The following GHR variants were observed in gnomAD, a reference collection of about 807,000 sequenced individuals.
GHR encodes the protein GH receptor.
Under a neutral mutation model 67.1 loss-of-function variants are expected in GHR, and 35 were observed. The ratio of observed to expected loss-of-function variants is 0.52; its 90% CI spans 0.40 to 0.69. The LOEUF (loss-of-function observed/expected upper bound fraction) is 0.69. GHR is among the 30% of genes least tolerant of loss of function. The probability of loss-of-function intolerance (pLI) is 0.00; values close to 1 mark genes in which losing one functional copy is unlikely to be tolerated. For missense variants in GHR, 792 were observed against 764.6 expected (o/e 1.04, Z -0.42); for synonymous variants, 272 against 269.1 (o/e 1.01, Z -0.10).
chr5:42,481,492 T>C (rs1745634141), intron 1 of GHR, among the ~76,000 whole-genome samples: 1 of 152,224 alleles, frequency 6.6e-6, no homozygotes, highest in African/African-American at 2.4e-5. Flanking sequence ...TTTTCCAACT[T>C]GGTTCCATTC....
At chr5:42,542,924 T>A (rs934855978) in intron 1 of GHR, among the ~76,000 whole-genome samples, 6 of 152,160 alleles carry the variant, frequency 3.9e-5, no homozygotes, top group Admixed American at 2.6e-4. Context: ...TTTAGAATAG[T>A]GGCCTCCAGC....
chr5:42,551,659 C>T (rs1749041216), intron 1 of GHR, among the ~76,000 whole-genome samples: 1 of 152,124 alleles, frequency 6.6e-6, no homozygotes, highest in African/African-American at 2.4e-5. Context: ...TCTGCATGCT[C>T]ATAATGTAGG....
intron 1 of GHR, among the ~76,000 whole-genome samples, chr5:42,520,596 G>A (rs1747430433): frequency 6.6e-6 from 1 of 152,146 alleles, no homozygotes; most frequent in Admixed American, 6.5e-5. Flanking sequence ...TCATGATTGT[G>A]TTTAAGACCC....
At chr5:42,605,776 C>A (rs1015136100) in intron 2 of GHR, among the ~76,000 whole-genome samples, 2 of 152,256 alleles carry the variant, frequency 1.3e-5, no homozygotes, top group Non-Finnish European at 2.9e-5. Context: ...GAGTGAGGAG[C>A]TGCAGGAAGT....
chr5:42,428,059 G>A (rs1278131377), intron 1 of GHR, among the ~76,000 whole-genome samples: 1 of 152,160 alleles, frequency 6.6e-6, no homozygotes, highest in Non-Finnish European at 1.5e-5. Flanking sequence ...CTGTGTAGAG[G>A]ATCCAACCCC....
intron 4 of GHR, among the ~76,000 whole-genome samples, chr5:42,694,368 T>C (rs1256975792): frequency 6.6e-6 from 1 of 152,158 alleles, no homozygotes; most frequent in Non-Finnish European, 1.5e-5. Flanking sequence ...TGAGTCTTAT[T>C]TTAGCCTGAA....
chr5:42,606,131 G>T (rs1030060890), intron 2 of GHR, among the ~76,000 whole-genome samples: 1 of 151,834 alleles, frequency 6.6e-6, no homozygotes, highest in African/African-American at 2.4e-5. Context: ...TAAAAGTTGG[G>T]GTGCTCAATG....
intron 1 of GHR, among the ~76,000 whole-genome samples, chr5:42,455,218 G>A (rs929988782): frequency 8.5e-5 from 13 of 152,144 alleles, no homozygotes; most frequent in Admixed American, 2.6e-4. Flanking sequence ...TTCACACTTT[G>A]GGAACTCATT....
At chr5:42,463,992 C>CAAA (rs70991406) in intron 1 of GHR, among the ~76,000 whole-genome samples, 81 of 45,874 alleles carry the variant, frequency 1.8e-3, no homozygotes, top group African/African-American at 2.6e-3. Flanking sequence ...GACTCCGTCT[C>CAAA]AAAAAAAAAA....
intron 1 of GHR, among the ~76,000 whole-genome samples, chr5:42,427,271 T>C (rs1347117297): frequency 6.6e-6 from 1 of 152,220 alleles, no homozygotes; most frequent in Non-Finnish European, 1.5e-5. Flanking sequence ...AGAGGTTTAA[T>C]GGATTCACAG....
intron 3 of GHR, chr5:42,647,726 A>T (rs1754814738): frequency 4.6e-6 from 2 of 437,838 alleles, no homozygotes; most frequent in South Asian, 3.3e-5. Flanking sequence ...AATTACAAGG[A>T]AATCTAGCTT....
intron 2 of GHR, among the ~76,000 whole-genome samples, chr5:42,610,715 G>A (rs1332443785): frequency 1.3e-5 from 2 of 152,056 alleles, no homozygotes; most frequent in Non-Finnish European, 2.9e-5. Context: ...AGAGAAGGAG[G>A]GAAGAAAGGA....
intron 2 of GHR, among the ~76,000 whole-genome samples, chr5:42,598,338 A>T (rs978908394): frequency 6.6e-6 from 1 of 152,150 alleles, no homozygotes; most frequent in Non-Finnish European, 1.5e-5. Flanking sequence ...ATAGCAAGAA[A>T]CTTAAAATGA....
chr5:42,499,388 C>G (rs1050772240), intron 1 of GHR, among the ~76,000 whole-genome samples: 3 of 152,184 alleles, frequency 2.0e-5, no homozygotes, highest in Non-Finnish European at 4.4e-5. Flanking sequence ...CATTGATCGT[C>G]CACAAGCTCC....
At chr5:42,468,109 C>T in intron 1 of GHR, 1 of 1,162,360 alleles carries the variant, frequency 8.6e-7, no homozygotes, top group Non-Finnish European at 1.3e-6. Flanking sequence ...GAACCAGTAA[C>T]TGAAGGTTCT....
intron 2 of GHR, among the ~76,000 whole-genome samples, chr5:42,591,609 C>T (rs1207108038): frequency 6.6e-6 from 1 of 152,038 alleles, no homozygotes; most frequent in Non-Finnish European, 1.5e-5. Flanking sequence ...CATCTAAAAG[C>T]CTCCAAAGTT....
chr5:42,524,142 G>C (rs1747597218), intron 1 of GHR, among the ~76,000 whole-genome samples: 2 of 152,210 alleles, frequency 1.3e-5, no homozygotes, highest in Admixed American at 6.5e-5. Context: ...TTGGAACTGG[G>C]TAACTGGCAG....
intron 4 of GHR, among the ~76,000 whole-genome samples, chr5:42,694,293 C>T (rs936265056): frequency 2.0e-5 from 3 of 152,282 alleles, no homozygotes; most frequent in South Asian, 2.1e-4. Flanking sequence ...TTAGACATAA[C>T]CAATTCTCAT....
chr5:42,691,931 C>T (rs192487971), intron 4 of GHR, among the ~76,000 whole-genome samples: 11 of 152,346 alleles, frequency 7.2e-5, no homozygotes, highest in Admixed American at 1.3e-4. Flanking sequence ...GAAGCATGTT[C>T]GAGCTGCTCT....
Sources: allele counts gnomAD v4.1 joint callset (sites outside exome capture counted in the v4.1 genomes callset), GRCh38; gene constraint gnomAD v4.1.1; transcripts MANE v1.5; gene names NCBI Gene and HGNC (gene_info 2026-07-23, HGNC 2026-07-21).